Variants in CNTN4 observed in about 807,000 individuals in gnomAD.
The protein encoded by CNTN4 is contactin 4.
Under a neutral mutation model 122.5 loss-of-function variants are expected in CNTN4, and 77 were observed. The observed-to-expected ratio is 0.63, with a 90% CI of 0.52 to 0.76. CNTN4 has a LOEUF of 0.76. CNTN4 is among the 30% of genes least tolerant of loss of function. CNTN4 has a pLI of 0.00. For missense variants in CNTN4, 1,256 were observed against 1,259.1 expected (o/e 1.00, Z 0.04); for synonymous variants, 512 against 447.0 (o/e 1.15, Z -1.83).
At chr3:2,237,135 G>A (rs2039710462) in intron 2 of CNTN4, among the ~76,000 whole-genome samples, 1 of 152,064 alleles carries the variant, frequency 6.6e-6, no homozygotes, top group Admixed American at 6.6e-5. Context: ...GAGGGTTGAG[G>A]TAAGAGGGAC....
Position 2,353,755 on chromosome 3 carries a change from C to T in CNTN4, c.-89+14522C>T, listed in dbSNP as rs183736363. Among the ~76,000 whole-genome samples, 1,193 of 152,212 alleles carry T rather than the reference C, an allele frequency of 7.8e-3. 8 individuals carry two copies. The highest frequency in any genetic ancestry group is 0.012 in the African/African-American group (503 of 41,532). Reference sequence around the variant, plus strand: ...CTAAAAACACAAAAACAAAATTAGCCGGGTGTGGTGGCGGGCGCCTGTGGT... The same window carrying T: ...CTAAAAACACAAAAACAAAATTAGCTGGGTGTGGTGGCGGGCGCCTGTGGT... On this transcript the variant is annotated intron_variant, in intron 3 of 24. Transcript: ENST00000418658.
At chr3:2,450,109 A>C (rs547290982) in intron 3 of CNTN4, among the ~76,000 whole-genome samples, 1 of 152,142 alleles carries the variant, frequency 6.6e-6, no homozygotes, top group Non-Finnish European at 1.5e-5. Flanking sequence ...GCTTACACCT[A>C]TAATCCCAGC....
At chr3:2,879,716 G>T (rs1457526834) in intron 8 of CNTN4, among the ~76,000 whole-genome samples, 2 of 152,144 alleles carry the variant, frequency 1.3e-5, no homozygotes, top group Non-Finnish European at 2.9e-5. Flanking sequence ...CATTGTGAAT[G>T]GGCATGAGGG....
chr3:2,461,566 A>G lies in CNTN4; in HGVS notation c.-88-109850A>G, dbSNP rs572589028. On this transcript the variant is annotated intron_variant, in intron 3 of 24. Coordinates refer to ENST00000418658, the MANE Select transcript of CNTN4 (RefSeq NM_175607.3). ...TAGAACCTGAGCTCTTAACCGCTGTACCGACTTGTATCACTAGCCAACATC... is the reference window on the plus strand; with the variant it reads ...TAGAACCTGAGCTCTTAACCGCTGTGCCGACTTGTATCACTAGCCAACATC... 2.6e-5 allele frequency among the ~76,000 whole-genome samples: 4 copies of G among 152,290 alleles called. No individual in the cohort carries two copies. The Middle Eastern group carries it at 0.014, about 518-fold the overall frequency.
In CNTN4 at chr3:2,680,428, C is replaced by T. The variant is rs533996108; in HGVS notation, c.56-55787C>T. Among the ~76,000 whole-genome samples the T allele has an allele frequency of 2.6e-5, 4 of 152,288 alleles. No individual in the cohort carries two copies. In the South Asian group the frequency reaches 6.2e-4, roughly 24 times the overall value. On this transcript the variant is annotated intron_variant, in intron 4 of 24. Coordinates refer to ENST00000418658, the MANE Select transcript of CNTN4 (RefSeq NM_175607.3). ...AAAACATGGTGGTGCTCAGTCCTGG[C>T]TCGGATACAGTGAGGCAGGCTTTCT...
chr3:2,633,150 A>G (rs1226115347), intron 4 of CNTN4, among the ~76,000 whole-genome samples: 1 of 152,138 alleles, frequency 6.6e-6, no homozygotes, highest in Admixed American at 6.5e-5. Flanking sequence ...TAAAATCATC[A>G]GCCATTTGTA....
At chr3:2,376,841 A>G (rs1266397940) in intron 3 of CNTN4, among the ~76,000 whole-genome samples, 4 of 152,214 alleles carry the variant, frequency 2.6e-5, no homozygotes, top group African/African-American at 9.7e-5. Flanking sequence ...TTAAGGCACC[A>G]GCTGAATTAA....
chr3:2,777,689 G>T (rs928513470), intron 6 of CNTN4, among the ~76,000 whole-genome samples: 1 of 152,154 alleles, frequency 6.6e-6, no homozygotes, highest in Non-Finnish European at 1.5e-5. Context: ...GGTATCTCAC[G>T]CAAGATACCC....
At chr3:2,291,250 C>G (rs2042123267) in intron 2 of CNTN4, among the ~76,000 whole-genome samples, 1 of 152,034 alleles carries the variant, frequency 6.6e-6, no homozygotes, top group African/African-American at 2.4e-5. Context: ...GTGTTCGTCC[C>G]CAGTGCTAAG....
At chr3:2,457,906 C>T (rs1242113937) in intron 3 of CNTN4, among the ~76,000 whole-genome samples, 1 of 152,126 alleles carries the variant, frequency 6.6e-6, no homozygotes, top group East Asian at 1.9e-4. Context: ...ATGCTGAGGG[C>T]TCATGAATTA....
In CNTN4 at chr3:2,334,768, C is replaced by G. The variant is rs973008277; in HGVS notation, c.-144-4410C>G. ...GTAAAGAGACCACTCTTTGGTCCCTCCTAATGTTATATGCTATGTCTGTGA... is the reference window on the plus strand; with the variant it reads ...GTAAAGAGACCACTCTTTGGTCCCTGCTAATGTTATATGCTATGTCTGTGA... On this transcript the variant is annotated intron_variant, in intron 2 of 24. Coordinates refer to ENST00000418658, the MANE Select transcript of CNTN4 (RefSeq NM_175607.3). Among the ~76,000 whole-genome samples the G allele has an allele frequency of 3.9e-5, 6 of 152,280 alleles. No individual in the cohort carries two copies. The South Asian group carries it at 6.2e-4, about 16-fold the overall frequency.
At chr3:2,477,450 A>G (rs548074392) in intron 3 of CNTN4, among the ~76,000 whole-genome samples, 6 of 152,296 alleles carry the variant, frequency 3.9e-5, no homozygotes, top group African/African-American at 1.2e-4. Flanking sequence ...TCATTCAACA[A>G]TTATAACAAC....
rs544327452 is a variant in CNTN4, at chr3:2,842,319, C to T, written c.454+22738C>T. 2.0e-5 allele frequency among the ~76,000 whole-genome samples: 3 copies of T among 152,226 alleles called. No individual in the cohort carries two copies. In the South Asian group the frequency reaches 6.2e-4, roughly 32 times the overall value. On this transcript the variant is annotated intron_variant, in intron 7 of 24. Coordinates refer to ENST00000418658, the MANE Select transcript of CNTN4 (RefSeq NM_175607.3). ...GGATTCTTTGTGTTTCCCACTCAAC[C>T]CAAACACAAAATCTTCCAGGGCTCC...
intron 13 of CNTN4, among the ~76,000 whole-genome samples, chr3:2,960,928 G>A (rs2094846708): frequency 6.6e-6 from 1 of 152,030 alleles, no homozygotes; most frequent in African/African-American, 2.4e-5. Flanking sequence ...GCTACCATGC[G>A]AACAAGATAA....
At chr3:2,357,993 G>A (rs897795560) in intron 3 of CNTN4, among the ~76,000 whole-genome samples, 2 of 152,008 alleles carry the variant, frequency 1.3e-5, no homozygotes, top group South Asian at 2.1e-4. Flanking sequence ...TACACTTATC[G>A]TTTCGTTTTA....
At chr3:2,391,860 C>T (rs2046452844) in intron 3 of CNTN4, among the ~76,000 whole-genome samples, 1 of 152,124 alleles carries the variant, frequency 6.6e-6, no homozygotes, top group Non-Finnish European at 1.5e-5. Context: ...ATTCTAATGT[C>T]CCATCAGTTT....
At chr3:3,021,492 A>G (rs1403725061) in intron 14 of CNTN4, among the ~76,000 whole-genome samples, 1 of 152,148 alleles carries the variant, frequency 6.6e-6, no homozygotes, top group Non-Finnish European at 1.5e-5. Context: ...CCACTTTTAA[A>G]TTGTCCCTAT....
At chr3:2,799,574 T>G (rs1324261857) in intron 6 of CNTN4, among the ~76,000 whole-genome samples, 1 of 152,072 alleles carries the variant, frequency 6.6e-6, no homozygotes, top group African/African-American at 2.4e-5. Context: ...GCGATTCTCC[T>G]GCCTCAGCCT....
At chr3:2,169,586 A>G (rs1374789735) in intron 2 of CNTN4, among the ~76,000 whole-genome samples, 2 of 151,022 alleles carry the variant, frequency 1.3e-5, no homozygotes, top group South Asian at 2.1e-4. Context: ...TTTTGTAGAG[A>G]CGGGGTTTCA....
Sources: gnomAD v4.1 joint callset for allele counts (sites outside exome capture counted in the v4.1 genomes callset) on GRCh38, gnomAD v4.1.1 for gene constraint, MANE v1.5 for transcripts, NCBI Gene and HGNC (gene_info 2026-07-23, HGNC 2026-07-21) for gene names.